CUBN: variants seen among roughly 807,000 people sequenced by gnomAD.
The protein encoded by CUBN is 460 kDa receptor.
In CUBN, 282 loss-of-function variants were observed where a neutral mutation model predicts 405.3. The ratio of observed to expected loss-of-function variants is 0.70; its 90% CI spans 0.63 to 0.77. The LOEUF (loss-of-function observed/expected upper bound fraction) is 0.77, where lower values mean the gene tolerates loss of function less well. CUBN is among the 30% of genes least tolerant of loss of function. CUBN has a pLI of 0.00. For synonymous variants in CUBN, 1,684 were observed against 1,617.0 expected (o/e 1.04, Z -0.99); for missense variants, 4,514 against 4,475.2 (o/e 1.01, Z -0.25).
intron 48 of CUBN, 129 bp from the exon 49 acceptor site, chr10:16,907,808 A>C: frequency 3.3e-6 from 3 of 914,134 alleles, no homozygotes; most frequent in Non-Finnish European, 3.5e-6. Flanking sequence ...TGACCTAACA[A>C]TGCAGGTTTC....
At chr10:17,122,978 G>C (rs1161280268) in intron 5 of CUBN, 80 bp from the exon 6 acceptor site, 1 of 927,594 alleles carries the variant, frequency 1.1e-6, no homozygotes, top group African/African-American at 1.6e-5. Context: ...ATACGTTTAA[G>C]GATTTATACG....
In CUBN at chr10:16,882,844, C is replaced by G. The variant is rs780835; in HGVS notation, c.8905+5573G>C. On this transcript the variant is annotated intron_variant, in intron 56 of 66. Transcript: ENST00000377833. ...GCCCGGCCAACAAGGTGAAACCCCACCTCTACTAAAAATACAATTATTAGC... is the reference window on the plus strand; with the variant it reads ...GCCCGGCCAACAAGGTGAAACCCCAGCTCTACTAAAAATACAATTATTAGC... Among the ~76,000 whole-genome samples, 3 of 151,620 alleles carry G rather than the reference C, an allele frequency of 2.0e-5. No individual in the cohort carries two copies. The South Asian group carries it at 6.2e-4, about 32-fold the overall frequency.
chr10:16,836,381 C>A lies in CUBN; in HGVS notation c.10034G>T (p.Gly3345Val), dbSNP rs1179480749. ...GAACTGAAATCTTGAATTTCCGTGA[C>A]CCTGAAATGAAATGGGAGCCAAATC... ...NYLQLQDSPQ[G>V]HGNSRFQFCG... The change falls in exon 63 of 67, where the codon GGT becomes GTT. Residue 3345 changes from glycine to valine, a missense_variant and splice_region_variant. Gly to Val is a moderately radical substitution (Grantham distance 109). Around this residue, in one of 5 missense-constraint regions of CUBN, gnomAD observed 1,186 missense variants for 1,186.9 expected, o/e 1.00. Transcript: ENST00000377833. 6.2e-7 allele frequency: 1 copy of A among 1,613,978 alleles called. No individual in the cohort carries two copies. Among genetic ancestry groups the A allele is most frequent in the Non-Finnish European group, 8.5e-7 (1 of 1,179,876 alleles).
rs569056231 is a variant in CUBN at position 16,911,376 on chromosome 10, T to C, written c.7533+2435A>G. Among the ~76,000 whole-genome samples, 4 of 152,234 alleles carry C rather than the reference T, an allele frequency of 2.6e-5. No individual in the cohort carries two copies. The East Asian group carries it at 7.7e-4, about 29-fold the overall frequency. On this transcript the variant is annotated intron_variant, in intron 48 of 66. Coordinates refer to ENST00000377833, the MANE Select transcript of CUBN (RefSeq NM_001081.4). Reference sequence around the variant, plus strand: ...AGACGATTGGGAAAGTATATAAACATTGCATACCCCATGTGTGTTTGTGGT... The same window carrying C: ...AGACGATTGGGAAAGTATATAAACACTGCATACCCCATGTGTGTTTGTGGT...
chr10:17,114,156 T>G lies in CUBN; in HGVS notation c.754A>C (p.Met252Leu). The change falls in exon 8 of 67, where the codon ATG (methionine) becomes CTG (leucine). Residue 252 changes from methionine to leucine, a missense_variant. By Grantham distance (15) the Met-to-Leu change is conservative (BLOSUM62 2). Transcript: ENST00000377833. ...KYSCVCDAGW[M>L]FSPNSPACTL... ...CAGGCAGGGCTGTTGGGTGAAAACA[T>G]CCACCCAGCATCACAGACGCAGCTG... The G allele has an allele frequency of 6.2e-7, 1 of 1,613,764 alleles. No homozygotes were observed. The highest frequency in any genetic ancestry group is 8.5e-7 in the Non-Finnish European group (1 of 1,179,916).
chr10:16,890,098 C>T (rs1193525195), intron 55 of CUBN, among the ~76,000 whole-genome samples: 1 of 152,144 alleles, frequency 6.6e-6, no homozygotes, highest in Admixed American at 6.5e-5. Context: ...ACGAACTAGC[C>T]ATCTGCGCTT....
chr10:17,000,159 T>C (rs1448056187), intron 28 of CUBN, among the ~76,000 whole-genome samples: 1 of 152,236 alleles, frequency 6.6e-6, no homozygotes, highest in Non-Finnish European at 1.5e-5. Flanking sequence ...TGGTCCACTC[T>C]AGCCCGGCCA....
chr10:16,913,982 C>G lies in CUBN; in HGVS notation c.7362G>C (p.Gly2454=). The G allele has an allele frequency of 1.2e-5, 19 of 1,613,920 alleles. No individual in the cohort carries two copies. The highest frequency in any genetic ancestry group is 1.6e-5 in the Non-Finnish European group (19 of 1,179,996). Residue 2454 remains glycine, a synonymous_variant, in exon 48 of 67, where the codon GGG becomes GGC. Coordinates refer to ENST00000377833, the MANE Select transcript of CUBN (RefSeq NM_001081.4). ...RFESSMEECG[G]DLQGSIGTFT... ...ATGTTCCAATAGAGCCCTGAAGATC[C>G]CCACCACACTCTGACGTGGGGAAAA...
At chr10:17,090,416 A>T (rs1373054657) in intron 14 of CUBN, among the ~76,000 whole-genome samples, 2 of 152,110 alleles carry the variant, frequency 1.3e-5, no homozygotes, top group African/African-American at 4.8e-5. Context: ...GGAAAAAAAA[A>T]AGCTAGACCT....
chr10:17,103,846 C>T (rs2131300371), intron 12 of CUBN, among the ~76,000 whole-genome samples: 1 of 152,248 alleles, frequency 6.6e-6, no homozygotes, highest in South Asian at 2.1e-4. Flanking sequence ...TCGGGAGAAA[C>T]ATTCCAAATA....
chr10:16,948,153 G>T (rs1842834278), intron 35 of CUBN, among the ~76,000 whole-genome samples: 1 of 152,220 alleles, frequency 6.6e-6, no homozygotes, highest in African/African-American at 2.4e-5. Context: ...AGGTTGCAGT[G>T]AGCCAAGACC....
At chr10:16,999,150 A>AC (rs1833812504) in intron 28 of CUBN, among the ~76,000 whole-genome samples, 2 of 152,194 alleles carry the variant, frequency 1.3e-5, no homozygotes, top group South Asian at 4.1e-4. Context: ...AATGACCTTT[A>AC]CATTCCTATT....
At chr10:16,861,417 C>T (rs559480694) in intron 59 of CUBN, among the ~76,000 whole-genome samples, 2 of 152,184 alleles carry the variant, frequency 1.3e-5, no homozygotes, top group African/African-American at 4.8e-5. Flanking sequence ...CCCGCCTCAG[C>T]CTCCCAAGCG....
chr10:17,102,252 CCTATTTATTTATTTATTTATTTAT>C (rs1202813639), intron 13 of CUBN, among the ~76,000 whole-genome samples: 3 of 145,016 alleles, frequency 2.1e-5, no homozygotes, highest in South Asian at 2.2e-4. Flanking sequence ...GGAGGATCCT[CCTATTTATTTATTTATTTATTTAT>C]TTATTTATTT....
chr10:16,965,059 G>GC (rs1454868685), intron 31 of CUBN, among the ~76,000 whole-genome samples: 3 of 152,276 alleles, frequency 2.0e-5, no homozygotes, highest in Non-Finnish European at 2.9e-5. Flanking sequence ...TTGGGGAACC[G>GC]CCCCCATCCC....
In CUBN at chr10:16,939,149, T is replaced by C; in HGVS notation, c.5549-2A>G. 3 of 1,612,392 alleles carry C rather than the reference T, an allele frequency of 1.9e-6. No individual in the cohort carries two copies. The highest frequency in any genetic ancestry group is 1.7e-6 in the Non-Finnish European group (2 of 1,178,474). On this transcript the variant is annotated splice_acceptor_variant, in intron 37 of 66. Transcript: ENST00000377833. LOFTEE classifies it high-confidence loss of function. ...CCACAATATTATCATTGCCAAATAC[T>C]AGGAGGGAAGACAGAGTAGTAAATC...
intron 59 of CUBN, among the ~76,000 whole-genome samples, chr10:16,867,521 C>T (rs1840222520): frequency 6.6e-6 from 1 of 152,160 alleles, no homozygotes; most frequent in Admixed American, 6.6e-5. Flanking sequence ...CTTAGGTTTT[C>T]ACTTAAACAT....
intron 57 of CUBN, among the ~76,000 whole-genome samples, chr10:16,875,314 T>C (rs1840466514): frequency 6.6e-6 from 1 of 152,222 alleles, no homozygotes; most frequent in Non-Finnish European, 1.5e-5. Flanking sequence ...AGGATCAGAT[T>C]GTACCTCCTG....
chr10:17,114,997 G>A (rs139950226), intron 7 of CUBN, among the ~76,000 whole-genome samples: 46 of 152,266 alleles, frequency 3.0e-4, no homozygotes, highest in African/African-American at 6.0e-4. Flanking sequence ...TAATCGCAGC[G>A]CTTTGCGGGG....
Sources: allele counts gnomAD v4.1 joint callset (sites outside exome capture counted in the v4.1 genomes callset), GRCh38; gene constraint gnomAD v4.1.1; regional missense constraint gnomAD v4.1.1; transcripts MANE v1.5; gene names NCBI Gene and HGNC (gene_info 2026-07-23, HGNC 2026-07-21).